The following PCDH17 variants were observed in gnomAD, a reference collection of about 807,000 sequenced individuals.
PCDH17 encodes the protein protocadherin 17, also known as protocadherin-17.
A neutral mutation model predicts 67.7 loss-of-function variants in PCDH17; 21 were observed. That is an observed-to-expected ratio of 0.31 (90% confidence interval 0.22 to 0.45). PCDH17 has a LOEUF of 0.45. Among genes scored for constraint, PCDH17 ranks in the 20% least tolerant of loss-of-function variants. The pLI is 1.00. For missense variants in PCDH17, 1,471 were observed against 1,564.8 expected, an observed-to-expected ratio of 0.94 and a Z score of 1.01; for synonymous variants, 701 against 656.7, an observed-to-expected ratio of 1.07 and a Z score of -1.03.
intron 3 of PCDH17, among the ~76,000 whole-genome samples, chr13:57,693,157 A>G (rs941695564): frequency 2.7e-5 from 4 of 150,356 alleles, no homozygotes; most frequent in African/African-American, 7.3e-5. Context: ...TTCAAATACC[A>G]AGAAAGTTAG....
At chr13:57,635,457 GA>G (rs1365386196) in intron 1 of PCDH17, among the ~76,000 whole-genome samples, 1 of 151,558 alleles carries the variant, frequency 6.6e-6, no homozygotes, top group Non-Finnish European at 1.5e-5. Context: ...TCCCAGAGCA[GA>G]AAAAAATGTT....
Position 57,682,627 on chromosome 13 carries a change from G to A in PCDH17, c.2797+15794G>A, listed in dbSNP as rs139934310. 2.8e-3 allele frequency among the ~76,000 whole-genome samples: 425 copies of A among 151,832 alleles called. 5 individuals carry two copies. Among genetic ancestry groups the A allele is most frequent in the East Asian group, 0.017 (88 of 5,124 alleles). ...CTGAGACTGTTTTGTTGTTGTTGTT[G>A]TTGTTTTTGCACCAACTTGTCTCCA... On this transcript the variant is annotated intron_variant, in intron 3 of 3. Coordinates refer to ENST00000377918, the MANE Select transcript of PCDH17 (RefSeq NM_001040429.3).
At chr13:57,679,653 ATTG>A (rs1165806287) in intron 3 of PCDH17, among the ~76,000 whole-genome samples, 1 of 151,490 alleles carries the variant, frequency 6.6e-6, no homozygotes, top group Non-Finnish European at 1.5e-5. Context: ...GAAAGATGAA[ATTG>A]TTTTGTTTTT....
At chr13:57,705,227 A>G (rs1017967552) in intron 3 of PCDH17, among the ~76,000 whole-genome samples, 1 of 152,046 alleles carries the variant, frequency 6.6e-6, no homozygotes, top group Non-Finnish European at 1.5e-5. Context: ...AGTGAAATTT[A>G]GCATAATATT....
chr13:57,702,041 C>G (rs535756131), intron 3 of PCDH17, among the ~76,000 whole-genome samples: 2 of 151,982 alleles, frequency 1.3e-5, no homozygotes, highest in East Asian at 3.9e-4. Context: ...CTTCAGTCTC[C>G]CGAGTAGCTG....
intron 1 of PCDH17, among the ~76,000 whole-genome samples, chr13:57,644,336 T>G (rs1566218780): frequency 1.3e-5 from 2 of 151,704 alleles, no homozygotes; most frequent in African/African-American, 2.4e-5. Flanking sequence ...TGAAGCACTA[T>G]GCCTGAGTGG....
rs185491020 is a variant in PCDH17 at position 57,649,464 on chromosome 13, G to A, written c.2565+14353G>A. On this transcript the variant is annotated intron_variant, in intron 1 of 3. Coordinates refer to ENST00000377918, the MANE Select transcript of PCDH17 (RefSeq NM_001040429.3). ...GCCATTTTGGTGTGAAGTAGTTAGT[G>A]CTCAGATCCCTTGTACTTCTATCAT... Among the ~76,000 whole-genome samples the A allele has an allele frequency of 1.1e-3, 165 of 152,248 alleles. 1 individual carries two copies. Among genetic ancestry groups the A allele is most frequent in the African/African-American group, 3.7e-3 (155 of 41,568 alleles).
chr13:57,636,490 A>G (rs1244415360), intron 1 of PCDH17, among the ~76,000 whole-genome samples: 1 of 152,146 alleles, frequency 6.6e-6, no homozygotes, highest in Non-Finnish European at 1.5e-5. Context: ...TTTTCCTATA[A>G]TAGTATAATG....
chr13:57,685,925 A>C (rs1955502285), intron 3 of PCDH17, among the ~76,000 whole-genome samples: 2 of 151,830 alleles, frequency 1.3e-5, no homozygotes, highest in African/African-American at 4.8e-5. Context: ...CGTCTCTATG[A>C]AAAAATTTTC....
chr13:57,723,893 G>A (rs953968157), intron 3 of PCDH17, among the ~76,000 whole-genome samples: 2 of 152,148 alleles, frequency 1.3e-5, no homozygotes, highest in African/African-American at 4.8e-5. Context: ...ATCATGATTT[G>A]TCATTCATTC....
chr13:57,639,562 C>T (rs1230830140), intron 1 of PCDH17, among the ~76,000 whole-genome samples: 1 of 151,692 alleles, frequency 6.6e-6, no homozygotes, highest in Non-Finnish European at 1.5e-5. Context: ...TTCTTGATTC[C>T]ATTAGCTTTT....
chr13:57,653,499 ATACT>A (rs1460159168), intron 1 of PCDH17, among the ~76,000 whole-genome samples: 2 of 152,136 alleles, frequency 1.3e-5, no homozygotes, highest in Non-Finnish European at 2.9e-5. Flanking sequence ...CTTGTTCATA[ATACT>A]TACTCATATT....
intron 1 of PCDH17, among the ~76,000 whole-genome samples, chr13:57,657,876 A>C (rs1955128540): frequency 2.0e-5 from 3 of 152,198 alleles, no homozygotes; most frequent in Admixed American, 2.0e-4. Context: ...TTTTTAGACA[A>C]AATGTTGTTC....
At chr13:57,675,245 T>C (rs1955378187) in intron 3 of PCDH17, among the ~76,000 whole-genome samples, 1 of 151,952 alleles carries the variant, frequency 6.6e-6, no homozygotes, top group Admixed American at 6.6e-5. Context: ...CTAGGATGTA[T>C]ATATTTTGTC....
Position 57,725,503 on chromosome 13 carries a change from T to G in PCDH17, c.*209T>G. 1 of 513,676 alleles carries G rather than the reference T, an allele frequency of 1.9e-6. No individual in the cohort carries two copies. 31.8% of individuals were successfully genotyped at this position (513,676 alleles called of 1,614,324 possible). On this transcript the variant is annotated 3_prime_UTR_variant, in exon 4 of 4. Coordinates refer to ENST00000377918, the MANE Select transcript of PCDH17 (RefSeq NM_001040429.3). The stretch of plus-strand genomic sequence containing the variant: ...AACAATGGTTTCGTTTTGACCAAAC[T>G]TGTATTAGGACAGAATTAATGATGC...
At chr13:57,707,026 G>A (rs1354596013) in intron 3 of PCDH17, among the ~76,000 whole-genome samples, 10 of 151,700 alleles carry the variant, frequency 6.6e-5, no homozygotes, top group Non-Finnish European at 1.2e-4. Context: ...TGTGGTTTTT[G>A]TTAAAGAAAT....
intron 1 of PCDH17, among the ~76,000 whole-genome samples, chr13:57,637,701 A>G (rs1385725702): frequency 4.6e-5 from 7 of 152,134 alleles, no homozygotes; most frequent in African/African-American, 1.7e-4. Flanking sequence ...GGAAGTACAG[A>G]GTATTCTATT....
chr13:57,648,125 G>A (rs1184454763), intron 1 of PCDH17, among the ~76,000 whole-genome samples: 3 of 151,884 alleles, frequency 2.0e-5, no homozygotes, highest in Admixed American at 1.3e-4. Context: ...CGATATTACA[G>A]TTTGGATTTT....
chr13:57,701,838 C>G (rs1955665620), intron 3 of PCDH17, among the ~76,000 whole-genome samples: 1 of 152,024 alleles, frequency 6.6e-6, no homozygotes, highest in Admixed American at 6.6e-5. Context: ...TGTTTTATTA[C>G]ATATTTAAAT....
Sources: gnomAD v4.1 joint callset for allele counts (sites outside exome capture counted in the v4.1 genomes callset) on GRCh38, gnomAD v4.1.1 for gene constraint, MANE v1.5 for transcripts, NCBI Gene and HGNC (gene_info 2026-07-23, HGNC 2026-07-21) for gene names.